HPR: variants seen among roughly 807,000 people sequenced by gnomAD.
HPR encodes Haptoglobin-related locus.
HPR carries 17 observed loss-of-function variants against 18.5 expected under a neutral mutation model. The observed-to-expected ratio is 0.92, with a 90% confidence interval of 0.63 to 1.38. HPR has a LOEUF of 1.38. Among genes scored for constraint, HPR ranks in the 40% most tolerant of loss-of-function variants. The pLI, the probability that HPR is intolerant of heterozygous loss-of-function variation, is 0.00. For synonymous variants in HPR, 176 were observed against 165.0 expected (o/e 1.07, Z -0.51); for missense variants, 457 against 432.4 (o/e 1.06, Z -0.51).
Position 72,071,579 on chromosome 16 carries a change from C to T in HPR, c.6-2313C>T, listed in dbSNP as rs368596951. ...TGCCAATTTTACTTTGTGTCTCTCA[C>T]AACAGGGAGAAAACTTGGTGTTCCT... is the stretch of plus-strand genomic sequence containing the variant. On this transcript the variant is annotated intron_variant, in intron 1 of 4. Transcript: ENST00000540303. Among the ~76,000 whole-genome samples the T allele has an allele frequency of 6.6e-5, 10 of 152,310 alleles. 1 individual carries two copies. Among genetic ancestry groups the T allele is most frequent in the African/African-American group, 2.4e-4 (10 of 41,572 alleles).
rs147707949 is a variant in HPR at position 72,076,973 on chromosome 16, G to A, written c.939G>A (p.Ala313=). Reference sequence around the variant, plus strand: ...ACCTGGAGGAGGACACCTGGTACGCGGCTGGGATCCTAAGCTTTGATAAGA... The same window carrying A: ...ACCTGGAGGAGGACACCTGGTACGCAGCTGGGATCCTAAGCTTTGATAAGA... The part of the protein sequence containing the change: ...VHDLEEDTWY[A]AGILSFDKSC... The change falls in exon 5 of 5, where the codon GCG becomes GCA. Residue 313 remains alanine (A), a synonymous_variant. Transcript: ENST00000540303. 6,290 of 1,614,200 alleles carry A rather than the reference G, an allele frequency of 3.9e-3. 18 individuals carry two copies. The highest frequency in any genetic ancestry group is 4.3e-3 in the South Asian group (396 of 91,068).
At chr16:72,068,748 T>G (rs971651415) in intron 1 of HPR, among the ~76,000 whole-genome samples, 8 of 151,814 alleles carry the variant, frequency 5.3e-5, no homozygotes, top group African/African-American at 9.7e-5. Context: ...TTGAAGAGAG[T>G]AGAAAATTAA....
At chr16:72,074,050 C>T (rs1217755445) in intron 2 of HPR, 73 bp downstream of exon 2, 6 of 1,588,070 alleles carry the variant, frequency 3.8e-6, no homozygotes, top group Non-Finnish European at 5.2e-6. Flanking sequence ...CTCGGGTCTG[C>T]ATTCTTTCTT....
At chr16:72,066,054 G>A (rs905406037) in intron 1 of HPR, among the ~76,000 whole-genome samples, 3 of 152,142 alleles carry the variant, frequency 2.0e-5, no homozygotes, top group African/African-American at 7.2e-5. Flanking sequence ...TTCCTTAAAA[G>A]GGCTCCAACA....
chr16:72,073,779 C>T, intron 1 of HPR, 113 bp from the exon 2 acceptor site: 4 of 1,590,482 alleles, frequency 2.5e-6, no homozygotes, highest in Non-Finnish European at 3.4e-6. Context: ...TGTGTGTATG[C>T]ATGTGTGTGT....
rs2041725843 is a variant in HPR, at chr16:72,076,486, C to T, written c.452C>T (p.Ser151Leu). Residue 151 changes from serine (S) to leucine (L), a missense_variant, in exon 5 of 5, where the codon TCA (serine) becomes TTA (leucine). By Grantham distance (145) the Ser-to-Leu change is moderately radical (BLOSUM62 -2). Transcript: ENST00000540303. ...GCTAAAAATCTCTTCCTGAACCATT[C>T]AGAAAATGCAACAGCGAAAGACATT... ...TTAKNLFLNH[S>L]ENATAKDIAP... is the part of the protein sequence containing the mutation. The T allele has an allele frequency of 6.2e-7, 1 of 1,614,162 alleles. No homozygotes were observed. The highest frequency in any genetic ancestry group is 1.7e-5 in the Admixed American group (1 of 60,020).
chr16:72,070,094 T>C (rs1567588979), intron 1 of HPR, among the ~76,000 whole-genome samples: 1 of 152,196 alleles, frequency 6.6e-6, no homozygotes, highest in East Asian at 1.9e-4. Context: ...TGAATCAGAC[T>C]CTAAAAAGCC....
rs1434800599 is a variant in HPR, at chr16:72,075,092, T to C, written c.194-53T>C. 5 of 720,908 alleles carry C rather than the reference T, an allele frequency of 6.9e-6. No homozygotes were observed. In the Admixed American group the frequency reaches 8.1e-5, roughly 12 times the overall value. 44.7% of individuals were successfully genotyped at this position (720,908 alleles called of 1,614,324 possible). ...CTCCTTAAATGCCTTCTCACTCTGCTCTGGGTGCAGACTTGACTTTTCCTT... is the reference window on the plus strand; with the variant it reads ...CTCCTTAAATGCCTTCTCACTCTGCCCTGGGTGCAGACTTGACTTTTCCTT... On this transcript the variant is annotated intron_variant, in intron 3 of 4. Transcript: ENST00000540303.
At chr16:72,074,087 T>C (rs2041689269) in intron 2 of HPR, 110 bp downstream of exon 2, 4 of 1,467,798 alleles carry the variant, frequency 2.7e-6, no homozygotes, top group Non-Finnish European at 2.8e-6. Context: ...CCCATTCTTA[T>C]CCTGACCTCT....
chr16:72,069,510 A>G (rs3890860), intron 1 of HPR, among the ~76,000 whole-genome samples: 92,848 of 151,900 alleles, frequency 0.61, 29,473 homozygotes, highest in African/African-American at 0.77. Context: ...ATAGGAGCCA[A>G]AGGAGAAGAC....
At position 72,074,370 on chromosome 16, in the gene HPR, CGCACAG is replaced by C; in HGVS notation, c.179_184del (p.Arg60_Glu62delinsGln). The C allele has an allele frequency of 6.2e-7, 1 of 1,611,958 alleles. No homozygotes were observed. Among genetic ancestry groups the C allele is most frequent in the Non-Finnish European group, 8.5e-7 (1 of 1,178,088 alleles). On this transcript the variant is annotated inframe_deletion, in exon 3 of 5. Transcript: ENST00000540303. ...CCAGTGTAAGAACTACTACAGACTG[CGCACAG>C]AAGGAGATGGTAAGACCTGGACAAC...
chr16:72,070,082 G>T (rs1311044331), intron 1 of HPR, among the ~76,000 whole-genome samples: 1 of 152,130 alleles, frequency 6.6e-6, no homozygotes, highest in Non-Finnish European at 1.5e-5. Flanking sequence ...GAGTAGAAAG[G>T]ATGAATCAGA....
At chr16:72,067,162 G>T (rs563465604) in intron 1 of HPR, among the ~76,000 whole-genome samples, 1 of 152,292 alleles carries the variant, frequency 6.6e-6, no homozygotes, top group South Asian at 2.1e-4. Flanking sequence ...CTTTGAAGAG[G>T]AACAGGGAAG....
At chr16:72,066,744 A>C (rs551592321) in intron 1 of HPR, among the ~76,000 whole-genome samples, 1 of 152,310 alleles carries the variant, frequency 6.6e-6, no homozygotes, top group East Asian at 1.9e-4. Flanking sequence ...AGTTACAAAA[A>C]TTGGAGGACT....
At chr16:72,073,341 GTTC>G (rs1163428903) in intron 1 of HPR, among the ~76,000 whole-genome samples, 1 of 152,282 alleles carries the variant, frequency 6.6e-6, no homozygotes, top group Non-Finnish European at 1.5e-5. Flanking sequence ...CTCAGTGCTA[GTTC>G]TTCTTTGCAG....
chr16:72,071,819 T>C (rs1254325156), intron 1 of HPR, among the ~76,000 whole-genome samples: 3 of 152,152 alleles, frequency 2.0e-5, no homozygotes, highest in African/African-American at 7.2e-5. Flanking sequence ...CCAAACACTG[T>C]AAAACAAGAG....
intron 1 of HPR, among the ~76,000 whole-genome samples, chr16:72,069,997 T>A (rs1160407339): frequency 2.0e-5 from 3 of 152,130 alleles, no homozygotes; most frequent in African/African-American, 7.2e-5. Context: ...ACTGCATATG[T>A]CATTAAAAAG....
chr16:72,067,152 C>T (rs866371271), intron 1 of HPR, among the ~76,000 whole-genome samples: 1 of 152,146 alleles, frequency 6.6e-6, no homozygotes, highest in African/African-American at 2.4e-5. Flanking sequence ...CACTCACGAC[C>T]TTTGAAGAGG....
chr16:72,066,412 G>T (rs1306428190), intron 1 of HPR, among the ~76,000 whole-genome samples: 1 of 152,148 alleles, frequency 6.6e-6, no homozygotes, highest in Admixed American at 6.5e-5. Flanking sequence ...CACCCTCCTG[G>T]TCAAAACGTT....
Sources: gnomAD v4.1 joint callset for allele counts (sites outside exome capture counted in the v4.1 genomes callset) on GRCh38, gnomAD v4.1.1 for gene constraint, MANE v1.5 for transcripts, NCBI Gene and HGNC (gene_info 2026-07-23, HGNC 2026-07-21) for gene names.